Variants in WNK1 observed in about 807,000 individuals in gnomAD.
WNK1 encodes the protein WNK lysine deficient protein kinase 1.
In WNK1, 38 loss-of-function variants were observed where a neutral mutation model predicts 222.8. The ratio of observed to expected loss-of-function variants is 0.17; its 90% CI spans 0.13 to 0.22. The LOEUF (loss-of-function observed/expected upper bound fraction) is 0.22. WNK1 is among the 10% of genes least tolerant of loss of function. WNK1 has a pLI of 1.00. For synonymous variants in WNK1, 1,090 were observed against 1,092.9 expected (o/e 1.00, Z 0.05); for missense variants, 2,348 against 2,918.4 (o/e 0.80, Z 4.50).
At chr12:868,934 ACAGG>A in intron 8 of WNK1, 2 of 1,591,746 alleles carry the variant, frequency 1.3e-6, no homozygotes, top group Non-Finnish European at 1.7e-6. Flanking sequence ...ACCTCCCCCT[ACAGG>A]GGGAGCAGCT....
chr12:840,738 T>C (rs1378036877), intron 4 of WNK1, among the ~76,000 whole-genome samples: 1 of 152,128 alleles, frequency 6.6e-6, no homozygotes, highest in Non-Finnish European at 1.5e-5. Context: ...CCCTGTAGAG[T>C]CCTGTAAGAA....
rs1420629830 is a variant in WNK1, at chr12:908,610, C to G, written c.6967C>G (p.Pro2323Ala). The G allele has an allele frequency of 6.2e-7, 1 of 1,614,188 alleles. No individual in the cohort carries two copies. Among genetic ancestry groups the G allele is most frequent in the Non-Finnish European group, 8.5e-7 (1 of 1,180,042 alleles). ...TCACTTCACCAAGTCTATGTGCCCC[C>G]CACAGCAGTATGGCTTTCCAGCTAC... ...LGHFTKSMCP[P>A]QQYGFPATPF... Residue 2323 changes from proline (P) to alanine (A), a missense_variant, in exon 28 of 28, where the codon CCA (proline) becomes GCA (alanine). This residue lies in a region of WNK1 where 76 missense variants were observed against 85.7 expected (regional missense o/e 0.89). Coordinates refer to ENST00000315939, the MANE Select transcript of WNK1 (RefSeq NM_018979.4).
chr12:777,595 C>T (rs1419296755), intron 1 of WNK1, among the ~76,000 whole-genome samples: 1 of 152,148 alleles, frequency 6.6e-6, no homozygotes, highest in Non-Finnish European at 1.5e-5. Flanking sequence ...TATGATCTAC[C>T]ATGGAACATA....
At chr12:817,457 T>C (rs1315163532) in intron 2 of WNK1, among the ~76,000 whole-genome samples, 1 of 152,240 alleles carries the variant, frequency 6.6e-6, no homozygotes. Flanking sequence ...TATTCATTTC[T>C]GGAAGAATGG....
At position 884,398 on chromosome 12, in the gene WNK1, GA is replaced by G. The variant is rs1953467715; in HGVS notation, c.3844+158del. On this transcript the variant is annotated intron_variant, in intron 18 of 27. Coordinates refer to ENST00000315939, the MANE Select transcript of WNK1 (RefSeq NM_018979.4). This position sits in a 1 kb window ranked among gnomAD's most constrained non-coding sequence, Gnocchi z 5.6. ...CCAACAGATAAACATATGGGAGAGGGAAATAGATGAAGAATACAGAGAATTA... is the reference window on the plus strand; with the variant it reads ...CCAACAGATAAACATATGGGAGAGGGAATAGATGAAGAATACAGAGAATTA... Among the ~76,000 whole-genome samples the G allele has an allele frequency of 6.6e-6, 1 of 152,114 alleles. No individual in the cohort carries two copies. Among genetic ancestry groups the G allele is most frequent in the African/African-American group, 2.4e-5 (1 of 41,412 alleles).
At chr12:886,235 GTATA>G (rs1953636716) in intron 19 of WNK1, 151 bp downstream of exon 19, 1 of 677,568 alleles carries the variant, frequency 1.5e-6, no homozygotes, top group Non-Finnish European at 2.3e-6. Context: ...CAGTTTGAGG[GTATA>G]TCTACAATGA....
intron 20 of WNK1, among the ~76,000 whole-genome samples, chr12:887,711 C>T (rs973776365): frequency 7.2e-5 from 11 of 152,126 alleles, no homozygotes; most frequent in Non-Finnish European, 7.4e-5. Context: ...ACTTTTTCCG[C>T]GAGTCCAGAG....
In WNK1 at chr12:908,009, G is replaced by A; in HGVS notation, c.6806G>A (p.Gly2269Glu). The change falls in exon 27 of 28, where the codon GGA becomes GAA. Residue 2269 changes from glycine (G) to glutamate (E), a missense_variant. This residue lies in a region of WNK1 where 55 missense variants were observed against 104.1 expected (regional missense o/e 0.53). Transcript: ENST00000315939. ...RDAMNLSGRR[G>E]SKGHMNYEGP... ...GCCATGAATCTCTCAGGCAGGAGAG[G>A]AAGCAAAGGGCACATGAATTACGAG... 1 of 1,614,156 alleles carries A rather than the reference G, an allele frequency of 6.2e-7. No individual in the cohort carries two copies.
chr12:815,729 T>G lies in WNK1; in HGVS notation c.932+1915T>G, dbSNP rs1015858781. On this transcript the variant is annotated intron_variant, in intron 2 of 27. Transcript: ENST00000315939. Reference sequence around the variant, plus strand: ...TCTTTCCACTGGTTTGGATACTTACTTGGTTGTCAACAGTTTGTCTGGCAT... The same window carrying G: ...TCTTTCCACTGGTTTGGATACTTACGTGGTTGTCAACAGTTTGTCTGGCAT... Among the ~76,000 whole-genome samples, 16 of 152,346 alleles carry G rather than the reference T, an allele frequency of 1.1e-4. No individual in the cohort carries two copies. In the East Asian group the frequency reaches 3.1e-3, roughly 29 times the overall value.
In WNK1 at chr12:910,218, C is replaced by T. The variant is rs933812968; in HGVS notation, c.*1426C>T. The T allele has an allele frequency of 1.3e-5, 2 of 152,180 alleles. No homozygotes were observed. Among genetic ancestry groups the T allele is most frequent in the African/African-American group, 4.8e-5 (2 of 41,434 alleles). The allele number at this position is 152,180 out of a possible 1,614,324, so 9.4% of individuals were successfully genotyped here. ...GCTCTCAGAAAAACTGTTTGGATTG[C>T]TTTCCTCTTGTTGCACATGTACCAT... is the stretch of plus-strand genomic sequence containing the variant. On this transcript the variant is annotated 3_prime_UTR_variant, in exon 28 of 28. Coordinates refer to ENST00000315939, the MANE Select transcript of WNK1 (RefSeq NM_018979.4).
chr12:888,019 C>T (rs1050273626), intron 20 of WNK1, among the ~76,000 whole-genome samples: 1 of 152,130 alleles, frequency 6.6e-6, no homozygotes, highest in Non-Finnish European at 1.5e-5. Flanking sequence ...CGCAGTCCAC[C>T]GCCAACACAT....
chr12:908,611 C>T lies in WNK1; in HGVS notation c.6968C>T (p.Pro2323Leu), dbSNP rs1173650870. 1.2e-5 allele frequency: 19 copies of T among 1,614,050 alleles called. No individual in the cohort carries two copies. The highest frequency in any genetic ancestry group is 1.5e-5 in the Non-Finnish European group (18 of 1,180,044). The change falls in exon 28 of 28, where the codon CCA becomes CTA. Residue 2323 changes from proline (P) to leucine (L), a missense_variant. This residue lies in a region of WNK1 where 76 missense variants were observed against 85.7 expected (regional missense o/e 0.89). Transcript: ENST00000315939. ...CACTTCACCAAGTCTATGTGCCCCC[C>T]ACAGCAGTATGGCTTTCCAGCTACC... is the stretch of plus-strand genomic sequence containing the variant. The part of the protein sequence containing the change: ...LGHFTKSMCP[P>L]QQYGFPATPF...
At chr12:874,626 A>G (rs1294744486) in intron 9 of WNK1, among the ~76,000 whole-genome samples, 7 of 152,206 alleles carry the variant, frequency 4.6e-5, no homozygotes, top group Non-Finnish European at 1.0e-4. Context: ...TAGTAAATAT[A>G]TATGTAAATT....
intron 1 of WNK1, among the ~76,000 whole-genome samples, chr12:775,023 T>C (rs1942944065): frequency 6.6e-6 from 1 of 152,158 alleles, no homozygotes; most frequent in Non-Finnish European, 1.5e-5. Context: ...CTTTTTTTCA[T>C]TTAAGTATAG....
chr12:878,250 A>C lies in WNK1; in HGVS notation c.2262A>C (p.Thr754=). Residue 754 remains threonine (T), a synonymous_variant, in exon 10 of 28, where the codon ACA becomes ACC. Coordinates refer to ENST00000315939, the MANE Select transcript of WNK1 (RefSeq NM_018979.4). ...GIQQTAPPQQ[T]VQYSLSQTST... ...AGCAGACAGCCCCTCCTCAACAGAC[A>C]GTGCAGTATTCACTTTCACAGACAT... 11 of 1,614,200 alleles carry C rather than the reference A, an allele frequency of 6.8e-6. No individual in the cohort carries two copies. The highest frequency in any genetic ancestry group is 9.3e-6 in the Non-Finnish European group (11 of 1,180,030).
At chr12:798,594 T>TA (rs1301674920) in intron 1 of WNK1, among the ~76,000 whole-genome samples, 7 of 152,124 alleles carry the variant, frequency 4.6e-5, no homozygotes, top group African/African-American at 1.7e-4. Flanking sequence ...GATCTGAACT[T>TA]ACTGCTTTCT....
rs765346581 is a variant in WNK1, at chr12:879,932, C to T, written c.2733C>T (p.His911=). Residue 911 remains histidine, a synonymous_variant, in exon 11 of 28, where the codon CAC becomes CAT. Coordinates refer to ENST00000315939, the MANE Select transcript of WNK1 (RefSeq NM_018979.4). ...TGACTCAGCTGCCAAGTCAGGTTCA[C>T]CCACAGCTCCTACAACCAGCAGTTC... ...QPVTQLPSQV[H]PQLLQPAVQS... 1.9e-6 allele frequency: 3 copies of T among 1,614,098 alleles called. No individual in the cohort carries two copies. The highest frequency in any genetic ancestry group is 2.2e-5 in the East Asian group (1 of 44,884).
chr12:815,038 A>G (rs563274630), intron 2 of WNK1, among the ~76,000 whole-genome samples: 52 of 152,250 alleles, frequency 3.4e-4, no homozygotes, highest in African/African-American at 1.2e-3. Context: ...AATGCTGCTG[A>G]CAGGAGCCAG....
chr12:753,787 C>G lies in WNK1; in HGVS notation c.222C>G (p.Thr74=), dbSNP rs747214764. 9.9e-6 allele frequency: 16 copies of G among 1,612,670 alleles called. No individual in the cohort carries two copies. The East Asian group carries it at 3.6e-4, about 36-fold the overall frequency. ...DSRGAAATTT[T]TEHRFFRRSV... is the part of the protein sequence containing the mutation. ...GTGGGGCGGCCGCGACCACTACCAC[C>G]ACTGAGCACCGCTTCTTCCGCCGGA... is the stretch of plus-strand genomic sequence containing the variant. Residue 74 remains threonine (T), a synonymous_variant, in exon 1 of 28, where the codon ACC becomes ACG. Coordinates refer to ENST00000315939, the MANE Select transcript of WNK1 (RefSeq NM_018979.4). The surrounding 1 kb of genome is among the most constrained non-coding windows in gnomAD (Gnocchi z 5.2).
Sources: gnomAD v4.1 joint callset for allele counts (sites outside exome capture counted in the v4.1 genomes callset) on GRCh38, gnomAD v4.1.1 for gene constraint, gnomAD v4.1.1 regional missense constraint, Gnocchi (gnomAD v3.1) non-coding constraint, MANE v1.5 for transcripts, NCBI Gene and HGNC (gene_info 2026-07-23, HGNC 2026-07-21) for gene names.